Variants in LTBP2 observed in about 807,000 individuals in gnomAD.
LTBP2 encodes the protein latent transforming growth factor beta binding protein 2, also known as latent-transforming growth factor beta-binding protein 2.
LTBP2 carries 103 observed loss-of-function variants against 210.6 expected under a neutral mutation model. That is an observed-to-expected ratio of 0.49 (90% CI 0.42 to 0.58). The LOEUF (loss-of-function observed/expected upper bound fraction) is 0.58, where lower values mean the gene tolerates loss of function less well. Ranked by LOEUF, LTBP2 falls within the 20% of genes least tolerant of loss-of-function variation. The pLI, the probability that LTBP2 is intolerant of heterozygous loss-of-function variation, is 0.00. For synonymous variants in LTBP2, 1,007 were observed against 1,015.0 expected (o/e 0.99, Z 0.15); for missense variants, 2,313 against 2,494.5 (o/e 0.93, Z 1.55).
intron 2 of LTBP2, among the ~76,000 whole-genome samples, chr14:74,587,471 G>A (rs923860263): frequency 4.6e-5 from 7 of 151,844 alleles, no homozygotes; most frequent in Admixed American, 1.3e-4. Flanking sequence ...CCTCTCTGAA[G>A]AGAGAGATGG....
chr14:74,608,523 A>G (rs922467324), intron 1 of LTBP2, among the ~76,000 whole-genome samples: 39 of 151,782 alleles, frequency 2.6e-4, no homozygotes, highest in African/African-American at 8.9e-4. Flanking sequence ...AGCCTGGCCA[A>G]CATGGCGAAA....
chr14:74,507,088 C>T (rs972628732), intron 26 of LTBP2, 91 bp downstream of exon 26: 2 of 1,605,408 alleles, frequency 1.2e-6, no homozygotes, highest in South Asian at 2.2e-5. Flanking sequence ...TGCAAAAAAT[C>T]GTGTCCTCAG....
chr14:74,564,297 T>TTA (rs1274414116), intron 3 of LTBP2, among the ~76,000 whole-genome samples: 1 of 24,116 alleles, frequency 4.1e-5, no homozygotes, highest in African/African-American at 2.7e-4. Context: ...ATATATATAT[T>TTA]TATATATATT....
intron 33 of LTBP2, 44 bp from the exon 34 acceptor site, chr14:74,502,978 C>G (rs1254998108): frequency 6.2e-7 from 1 of 1,603,406 alleles, no homozygotes; most frequent in Admixed American, 1.7e-5. Flanking sequence ...CTAGCTCCTG[C>G]CAGCTAAAGC....
rs1248665483 is a variant in LTBP2, at chr14:74,549,920, C to T, written c.1732G>A (p.Gly578Ser). 1.9e-6 allele frequency: 3 copies of T among 1,614,058 alleles called. No homozygotes were observed. The highest frequency in any genetic ancestry group is 2.5e-6 in the Non-Finnish European group (3 of 1,180,018). Reference sequence around the variant, plus strand: ...ACCCCCCAGAAGGCTCCCACACTGCCACAGCAGTCCTCCTGGGTAGTCAGC... The same window carrying T: ...ACCCCCCAGAAGGCTCCCACACTGCTACAGCAGTCCTCCTGGGTAGTCAGC... Reference protein sequence around the residue: ...LELTTQEDCCGSVGAFWGVTL... With the variant: ...LELTTQEDCCSSVGAFWGVTL... The change falls in exon 8 of 36, where the codon GGC becomes AGC. Residue 578 changes from glycine to serine, a missense_variant. Coordinates refer to ENST00000261978, the MANE Select transcript of LTBP2 (RefSeq NM_000428.3).
At chr14:74,538,883 G>T (rs1030719775) in intron 8 of LTBP2, among the ~76,000 whole-genome samples, 5 of 152,256 alleles carry the variant, frequency 3.3e-5, no homozygotes, top group African/African-American at 4.8e-5. Context: ...GAAGGAGATG[G>T]AAAGATGAGA....
chr14:74,549,995 C>T, intron 7 of LTBP2, 30 bp from the exon 8 acceptor site: 1 of 1,403,754 alleles, frequency 7.1e-7, no homozygotes, highest in Non-Finnish European at 1.0e-6. Flanking sequence ...ACACCTGTGA[C>T]CACCCCCCTT....
intron 7 of LTBP2, among the ~76,000 whole-genome samples, chr14:74,550,461 C>A (rs899940768): frequency 6.6e-6 from 1 of 152,166 alleles, no homozygotes; most frequent in Non-Finnish European, 1.5e-5. Flanking sequence ...CTGGAAATAC[C>A]TTAGTTTCTG....
intron 3 of LTBP2, among the ~76,000 whole-genome samples, chr14:74,572,541 A>C (rs1309841801): frequency 6.6e-6 from 1 of 151,964 alleles, no homozygotes; most frequent in Non-Finnish European, 1.5e-5. Context: ...AAATTAATTA[A>C]CTGATGGCAG....
intron 1 of LTBP2, among the ~76,000 whole-genome samples, chr14:74,609,798 A>G (rs2088579127): frequency 6.6e-6 from 1 of 152,202 alleles, no homozygotes; most frequent in Admixed American, 6.5e-5. Flanking sequence ...CTTCAACGTG[A>G]TATTAAGTAA....
chr14:74,509,453 C>A (rs532079079), intron 21 of LTBP2, 90 bp from the exon 22 acceptor site: 1 of 1,578,504 alleles, frequency 6.3e-7, no homozygotes, highest in African/African-American at 1.3e-5. Context: ...CCTCTCTGAG[C>A]CCCTGGGGCT....
At chr14:74,593,901 C>T (rs553256996) in intron 2 of LTBP2, among the ~76,000 whole-genome samples, 16 of 152,298 alleles carry the variant, frequency 1.1e-4, no homozygotes, top group Non-Finnish European at 1.9e-4. Flanking sequence ...TCCAATCTAG[C>T]TTATAGGGCT....
intron 1 of LTBP2, among the ~76,000 whole-genome samples, chr14:74,607,162 G>A (rs1474698972): frequency 6.6e-6 from 1 of 152,140 alleles, no homozygotes; most frequent in African/African-American, 2.4e-5. Context: ...TGAGTTACAT[G>A]GTGAGAAAGT....
intron 3 of LTBP2, 56 bp downstream of exon 3, chr14:74,585,798 C>T: frequency 6.2e-7 from 1 of 1,613,284 alleles, no homozygotes; most frequent in Non-Finnish European, 8.5e-7. Context: ...AGGAAGAAGC[C>T]CCTCCAAAAA....
intron 3 of LTBP2, among the ~76,000 whole-genome samples, chr14:74,581,876 C>G (rs775513865): frequency 1.3e-5 from 2 of 152,030 alleles, no homozygotes; most frequent in Non-Finnish European, 2.9e-5. Flanking sequence ...GGAGAGGGAG[C>G]GACCAGGCAG....
chr14:74,567,093 A>G (rs1475211121), intron 3 of LTBP2, among the ~76,000 whole-genome samples: 2 of 152,200 alleles, frequency 1.3e-5, no homozygotes, highest in East Asian at 3.9e-4. Context: ...TGTTTCAGGC[A>G]GGGAGACGGA....
chr14:74,540,150 G>A (rs1468690315), intron 8 of LTBP2, among the ~76,000 whole-genome samples: 7 of 152,126 alleles, frequency 4.6e-5, no homozygotes, highest in Non-Finnish European at 7.4e-5. Flanking sequence ...CCTAGCTTCT[G>A]TAAGACCAAG....
At chr14:74,587,113 G>GCA (rs2088217346) in intron 2 of LTBP2, among the ~76,000 whole-genome samples, 1 of 152,246 alleles carries the variant, frequency 6.6e-6, no homozygotes, top group South Asian at 2.1e-4. Flanking sequence ...CCACGCAGAG[G>GCA]CACACACTGG....
intron 2 of LTBP2, among the ~76,000 whole-genome samples, chr14:74,593,441 G>A (rs1328506590): frequency 6.6e-6 from 1 of 152,186 alleles, no homozygotes; most frequent in African/African-American, 2.4e-5. Context: ...GTCTCCACCA[G>A]TGTGCCAGTG....
Sources: allele counts gnomAD v4.1 joint callset (sites outside exome capture counted in the v4.1 genomes callset), GRCh38; gene constraint gnomAD v4.1.1; transcripts MANE v1.5; gene names NCBI Gene and HGNC (gene_info 2026-07-23, HGNC 2026-07-21).